Variants in MACROD2 observed in about 807,000 individuals in gnomAD.
MACROD2 encodes the protein mono-ADP ribosylhydrolase 2, also known as ADP-ribose glycohydrolase MACROD2.
Under a neutral mutation model 70.4 loss-of-function variants are expected in MACROD2, and 36 were observed. The ratio of observed to expected loss-of-function variants is 0.51; its 90% CI spans 0.39 to 0.68. The LOEUF is 0.68. Among genes scored for constraint, MACROD2 ranks in the 30% least tolerant of loss-of-function variants. MACROD2 has a pLI of 0.00. For missense variants in MACROD2, 496 were observed against 538.4 expected, an observed-to-expected ratio of 0.92 and a Z score of 0.78; for synonymous variants, 172 against 178.8, an observed-to-expected ratio of 0.96 and a Z score of 0.30.
At chr20:15,461,088 A>G (rs937073348) in intron 7 of MACROD2, among the ~76,000 whole-genome samples, 7 of 148,630 alleles carry the variant, frequency 4.7e-5, no homozygotes, top group African/African-American at 1.7e-4. Context: ...GTTCACTGCA[A>G]TCTTGAACTC....
At chr20:14,343,606 T>C (rs1204956838) in intron 3 of MACROD2, among the ~76,000 whole-genome samples, 1 of 152,234 alleles carries the variant, frequency 6.6e-6, no homozygotes, top group African/African-American at 2.4e-5. Context: ...CAATTTATCT[T>C]TGGGAATGAA....
chr20:15,486,480 A>G (rs980696123), intron 7 of MACROD2, among the ~76,000 whole-genome samples: 8 of 152,320 alleles, frequency 5.3e-5, no homozygotes, highest in East Asian at 1.9e-4. Context: ...TCACAACAAG[A>G]GAGAGTAGAC....
intron 3 of MACROD2, among the ~76,000 whole-genome samples, chr20:14,444,667 T>G (rs2084163912): frequency 6.6e-6 from 1 of 152,056 alleles, no homozygotes; most frequent in African/African-American, 2.4e-5. Flanking sequence ...CAACTGCCTA[T>G]TTTTTATCTT....
chr20:14,552,118 G>A (rs1978692204), intron 4 of MACROD2, among the ~76,000 whole-genome samples: 1 of 151,492 alleles, frequency 6.6e-6, no homozygotes, highest in Non-Finnish European at 1.5e-5. Flanking sequence ...ATAATGACTG[G>A]CATGCTGAAC....
chr20:15,341,769 G>A (rs1201124251), intron 6 of MACROD2, among the ~76,000 whole-genome samples: 1 of 152,116 alleles, frequency 6.6e-6, no homozygotes, highest in African/African-American at 2.4e-5. Flanking sequence ...AAGGCATTAA[G>A]ACTATGCATG....
At chr20:14,423,253 TTTTTTG>T (rs1180033373) in intron 3 of MACROD2, among the ~76,000 whole-genome samples, 3 of 152,156 alleles carry the variant, frequency 2.0e-5, no homozygotes, top group Non-Finnish European at 2.9e-5. Context: ...AGATAGGTTT[TTTTTTG>T]TTTTTGTTTT....
chr20:13,995,693 C>G lies in MACROD2; in HGVS notation c.-71C>G. Reference sequence around the variant, plus strand: ...TGAGTGCCCCCTCCCACCCCTCCCACTCCACACACACCCTGTTTGCCCGTG... The same window carrying G: ...TGAGTGCCCCCTCCCACCCCTCCCAGTCCACACACACCCTGTTTGCCCGTG... On this transcript the variant is annotated 5_prime_UTR_variant, in exon 1 of 18. Transcript: ENST00000684519. The surrounding 1 kb of genome is among the most constrained non-coding windows in gnomAD (Gnocchi z 4.3). 2.2e-6 allele frequency: 3 copies of G among 1,358,408 alleles called. No homozygotes were observed. The highest frequency in any genetic ancestry group is 3.1e-6 in the Non-Finnish European group (3 of 952,976). 84.1% of individuals were successfully genotyped at this position (1,358,408 alleles called of 1,614,324 possible). A position where few individuals can be genotyped will look rare whatever the true frequency, so the allele number is the denominator to read the frequency against.
intron 2 of MACROD2, among the ~76,000 whole-genome samples, chr20:14,049,961 A>G (rs1177125189): frequency 6.6e-6 from 1 of 150,774 alleles, no homozygotes; most frequent in Non-Finnish European, 1.5e-5. Flanking sequence ...GCAGGTCCCT[A>G]TAATCCCAGC....
intron 3 of MACROD2, among the ~76,000 whole-genome samples, chr20:14,342,255 G>A (rs1281287881): frequency 6.6e-6 from 1 of 152,180 alleles, no homozygotes; most frequent in Admixed American, 6.5e-5. Context: ...AGGAGTGGAT[G>A]CTAAGGATCA....
chr20:15,141,657 C>G (rs1266304130), intron 5 of MACROD2, among the ~76,000 whole-genome samples: 2 of 152,118 alleles, frequency 1.3e-5, no homozygotes, highest in Admixed American at 6.5e-5. Context: ...TGATTTTTTC[C>G]CTTTTTCTTT....
At chr20:15,692,627 G>A (rs975934592) in intron 8 of MACROD2, among the ~76,000 whole-genome samples, 1 of 152,148 alleles carries the variant, frequency 6.6e-6, no homozygotes. Flanking sequence ...GAGGGCAGGG[G>A]TAGGGTGGTG....
intron 4 of MACROD2, among the ~76,000 whole-genome samples, chr20:14,673,262 T>C (rs1208436518): frequency 6.6e-6 from 1 of 152,206 alleles, no homozygotes; most frequent in Non-Finnish European, 1.5e-5. Flanking sequence ...TCAGGACTCA[T>C]GGTTTCATGT....
At chr20:14,031,254 TC>T (rs1311615353) in intron 2 of MACROD2, among the ~76,000 whole-genome samples, 4 of 152,210 alleles carry the variant, frequency 2.6e-5, no homozygotes, top group Non-Finnish European at 5.9e-5. Flanking sequence ...TCTCTAGATT[TC>T]TCTGGTTTTA....
intron 2 of MACROD2, among the ~76,000 whole-genome samples, chr20:14,084,635 C>CAA (rs1256615475): frequency 6.6e-6 from 1 of 151,974 alleles, no homozygotes; most frequent in Non-Finnish European, 1.5e-5. Context: ...TTTAAAATAT[C>CAA]AGATTTCAGA....
At chr20:15,319,530 T>C (rs1192412227) in intron 6 of MACROD2, among the ~76,000 whole-genome samples, 2 of 152,196 alleles carry the variant, frequency 1.3e-5, no homozygotes, top group African/African-American at 4.8e-5. Context: ...GGAACCTTTA[T>C]GCAATGCTAA....
At chr20:15,769,578 G>C (rs1371454396) in intron 8 of MACROD2, among the ~76,000 whole-genome samples, 1 of 152,154 alleles carries the variant, frequency 6.6e-6, no homozygotes, top group Non-Finnish European at 1.5e-5. Flanking sequence ...AATGATAATA[G>C]TGCACATGAG....
intron 5 of MACROD2, among the ~76,000 whole-genome samples, chr20:15,125,855 T>TC (rs1359636563): frequency 6.6e-6 from 1 of 151,622 alleles, no homozygotes; most frequent in African/African-American, 2.4e-5. Context: ...TCATTTCTCT[T>TC]CCCCCCTGTC....
intron 8 of MACROD2, among the ~76,000 whole-genome samples, chr20:15,655,968 T>C (rs1466113670): frequency 1.3e-5 from 2 of 152,214 alleles, no homozygotes; most frequent in East Asian, 3.8e-4. Context: ...AGTGAAATGT[T>C]ATCCTCGTAA....
intron 9 of MACROD2, among the ~76,000 whole-genome samples, chr20:15,867,848 T>C (rs2147173559): frequency 6.6e-6 from 1 of 152,286 alleles, no homozygotes; most frequent in Middle Eastern, 3.4e-3. Flanking sequence ...CCTCCTTCAC[T>C]CCTCCCTTTA....
Sources: gnomAD v4.1 joint callset for allele counts (sites outside exome capture counted in the v4.1 genomes callset) on GRCh38, gnomAD v4.1.1 for gene constraint, Gnocchi (gnomAD v3.1) non-coding constraint, MANE v1.5 for transcripts, NCBI Gene and HGNC (gene_info 2026-07-23, HGNC 2026-07-21) for gene names.